The following PCDHA4 variants were observed in gnomAD, a reference collection of about 807,000 sequenced individuals.
The protein encoded by PCDHA4 is protocadherin alpha-4.
Under a neutral mutation model 61.4 loss-of-function variants are expected in PCDHA4, and 49 were observed. The observed-to-expected ratio is 0.80, with a 90% CI of 0.63 to 1.01. The LOEUF is 1.01. Among genes scored for constraint, PCDHA4 ranks in the 50% least tolerant of loss-of-function variants. The probability of loss-of-function intolerance (pLI) is 0.00; values close to 1 mark genes in which losing one functional copy is unlikely to be tolerated. For missense variants in PCDHA4, 1,254 were observed against 1,235.8 expected, an observed-to-expected ratio of 1.01 and a Z score of -0.22; for synonymous variants, 590 against 550.3, an observed-to-expected ratio of 1.07 and a Z score of -1.01.
chr5:140,906,846 G>T (rs2072987315), intron 1 of PCDHA4, among the ~76,000 whole-genome samples: 1 of 152,186 alleles, frequency 6.6e-6, no homozygotes, highest in Non-Finnish European at 1.5e-5. Context: ...CATCTTGAGA[G>T]TCTGGGTCAG....
intron 2 of PCDHA4, among the ~76,000 whole-genome samples, chr5:140,980,822 T>A (rs1433488208): frequency 6.6e-6 from 1 of 152,204 alleles, no homozygotes; most frequent in Non-Finnish European, 1.5e-5. Flanking sequence ...ACATATTAAA[T>A]GAGTTGTGAA....
intron 1 of PCDHA4, chr5:140,928,279 TCTCTAGGC>T: frequency 6.2e-7 from 1 of 1,614,144 alleles, no homozygotes; most frequent in Non-Finnish European, 8.5e-7. Flanking sequence ...CCCTGGGGCC[TCTCTAGGC>T]CGAGTGTTTG....
intron 1 of PCDHA4, among the ~76,000 whole-genome samples, chr5:140,935,722 G>A (rs1230672751): frequency 6.6e-6 from 1 of 152,006 alleles, no homozygotes; most frequent in Non-Finnish European, 1.5e-5. Context: ...TATATTTAGA[G>A]AAGTCTAGTA....
intron 1 of PCDHA4, among the ~76,000 whole-genome samples, chr5:140,976,475 C>T (rs1160749030): frequency 1.3e-5 from 2 of 151,996 alleles, no homozygotes; most frequent in Non-Finnish European, 1.5e-5. Flanking sequence ...TGCTTGAATC[C>T]GGGAGGCAGA....
In PCDHA4 at chr5:140,807,812, T is replaced by G; in HGVS notation, c.625T>G (p.Phe209Val). The change falls in exon 1 of 4, where the codon TTT becomes GTT. Residue 209 changes from phenylalanine to valine, a missense_variant. Transcript: ENST00000530339. ...SLDREEAPEI[F>V]LVLTATDGGK... ...AGACAGAGAAGAAGCTCCGGAGATTTTTTTAGTGCTCACAGCCACTGATGG... is the reference window on the plus strand; with the variant it reads ...AGACAGAGAAGAAGCTCCGGAGATTGTTTTAGTGCTCACAGCCACTGATGG... 1 of 1,614,156 alleles carries G rather than the reference T, an allele frequency of 6.2e-7. No individual in the cohort carries two copies. Among genetic ancestry groups the G allele is most frequent in the African/African-American group, 1.3e-5 (1 of 75,036 alleles).
Position 140,842,900 on chromosome 5 carries a change from G to A in PCDHA4, c.2385+33328G>A, listed in dbSNP as rs2150347456. ...CGCGCTGCAGCCGCTGGACCACGAG[G>A]AGCTAGAGCTGCTGCAGTTCCAGGT... On this transcript the variant is annotated intron_variant, in intron 1 of 3. Transcript: ENST00000530339. 6.3e-7 allele frequency: 1 copy of A among 1,594,414 alleles called. No homozygotes were observed. The highest frequency in any genetic ancestry group is 2.2e-5 in the East Asian group (1 of 44,796).
At chr5:140,844,668 T>A (rs540390945) in intron 1 of PCDHA4, among the ~76,000 whole-genome samples, 1 of 149,604 alleles carries the variant, frequency 6.7e-6, no homozygotes, top group Non-Finnish European at 1.5e-5. Flanking sequence ...AAACATATAA[T>A]TTATAAATCC....
intron 1 of PCDHA4, among the ~76,000 whole-genome samples, chr5:140,949,007 A>T (rs1300926078): frequency 6.6e-6 from 1 of 151,692 alleles, no homozygotes; most frequent in Non-Finnish European, 1.5e-5. Flanking sequence ...TAATTTTTAT[A>T]TGTGATGTTT....
intron 1 of PCDHA4, among the ~76,000 whole-genome samples, chr5:140,956,385 T>C (rs1313427005): frequency 6.6e-6 from 1 of 152,198 alleles, no homozygotes; most frequent in Non-Finnish European, 1.5e-5. Flanking sequence ...ATCGAAGGCC[T>C]TTTCTGAATC....
At chr5:140,939,712 C>T (rs1019626550) in intron 1 of PCDHA4, among the ~76,000 whole-genome samples, 2 of 152,256 alleles carry the variant, frequency 1.3e-5, no homozygotes, top group East Asian at 1.9e-4. Context: ...TTGTGAGATA[C>T]ATTTATATTG....
In PCDHA4 at chr5:140,841,379, C is replaced by A. The variant is rs2150314416; in HGVS notation, c.2385+31807C>A. The A allele has an allele frequency of 9.9e-6, 16 of 1,613,486 alleles. No homozygotes were observed. In the African/African-American group the frequency reaches 2.1e-4, roughly 22 times the overall value. ...CTGGCGACTACTACTCTTGCTTCTG[C>A]TCCTCGCAGCCTGGAAGGTGGGGAG... On this transcript the variant is annotated intron_variant, in intron 1 of 3. Coordinates refer to ENST00000530339, the MANE Select transcript of PCDHA4 (RefSeq NM_018907.4).
intron 1 of PCDHA4, among the ~76,000 whole-genome samples, chr5:140,916,911 GA>G (rs2077779129): frequency 1.3e-5 from 2 of 152,178 alleles, no homozygotes; most frequent in Admixed American, 1.3e-4. Context: ...AGTTTACCTA[GA>G]ACCTCAGAGC....
intron 1 of PCDHA4, among the ~76,000 whole-genome samples, chr5:140,938,013 A>G (rs1310661606): frequency 6.6e-6 from 1 of 152,220 alleles, no homozygotes; most frequent in Non-Finnish European, 1.5e-5. Flanking sequence ...TTCTTGCTAA[A>G]TAGTAAAATC....
intron 1 of PCDHA4, among the ~76,000 whole-genome samples, chr5:140,820,440 C>T (rs1360100180): frequency 3.3e-5 from 5 of 151,930 alleles, no homozygotes; most frequent in Non-Finnish European, 5.9e-5. Context: ...AATTGCTAAT[C>T]TCTTGGTCCC....
At chr5:140,929,281 C>A in intron 1 of PCDHA4, 1 of 1,602,592 alleles carries the variant, frequency 6.2e-7, no homozygotes, top group Non-Finnish European at 8.5e-7. Context: ...ATCCTGTATT[C>A]AGATTCGGAA....
At chr5:140,988,625 T>A (rs1406223989) in intron 3 of PCDHA4, among the ~76,000 whole-genome samples, 1 of 152,176 alleles carries the variant, frequency 6.6e-6, no homozygotes, top group Non-Finnish European at 1.5e-5. Context: ...AATGGAGATG[T>A]CCTGGTTTTC....
At chr5:140,903,942 A>G (rs1279645269) in intron 1 of PCDHA4, among the ~76,000 whole-genome samples, 5 of 152,212 alleles carry the variant, frequency 3.3e-5, no homozygotes, top group African/African-American at 1.2e-4. Flanking sequence ...TACCTCTTAA[A>G]TACTGGAAAA....
At chr5:140,863,396 G>A (rs782335492) in intron 1 of PCDHA4, 12 of 872,454 alleles carry the variant, frequency 1.4e-5, no homozygotes, top group South Asian at 8.9e-5. Context: ...TGCATGCCGG[G>A]CAAGCCCACG....
chr5:140,837,954 C>T (rs1258074130), intron 1 of PCDHA4, among the ~76,000 whole-genome samples: 1 of 151,820 alleles, frequency 6.6e-6, no homozygotes, highest in Non-Finnish European at 1.5e-5. Context: ...ATTGGGATTA[C>T]AGACACGAAC....
Sources: gnomAD v4.1 joint callset for allele counts (sites outside exome capture counted in the v4.1 genomes callset) on GRCh38, gnomAD v4.1.1 for gene constraint, MANE v1.5 for transcripts, NCBI Gene and HGNC (gene_info 2026-07-23, HGNC 2026-07-21) for gene names.